EPHA10: variants seen among roughly 807,000 people sequenced by gnomAD.
The protein encoded by EPHA10 is EPH receptor A10.
EPHA10 carries 120 observed loss-of-function variants against 109.7 expected under a neutral mutation model. That is an observed-to-expected ratio of 1.09 (90% CI 0.94 to 1.27). The LOEUF is 1.27. Among genes scored for constraint, EPHA10 ranks in the 50% most tolerant of loss-of-function variants. EPHA10 has a pLI of 0.00. For synonymous variants in EPHA10, 640 were observed against 618.9 expected (o/e 1.03, Z -0.51); for missense variants, 1,396 against 1,411.1 (o/e 0.99, Z 0.17).
intron 3 of EPHA10, among the ~76,000 whole-genome samples, chr1:37,757,439 A>G (rs1418582891): frequency 6.6e-6 from 1 of 152,154 alleles, no homozygotes; most frequent in Admixed American, 6.5e-5. Flanking sequence ...TAACCATGGT[A>G]CACTGAGCTC....
At chr1:37,720,297 G>A in intron 13 of EPHA10, 54 bp downstream of exon 13, 1 of 1,536,302 alleles carries the variant, frequency 6.5e-7, no homozygotes, top group Non-Finnish European at 8.8e-7. Flanking sequence ...GGGCTCCAGG[G>A]CAGCTTGGTG....
chr1:37,724,013 G>C (rs1259046485), intron 8 of EPHA10, among the ~76,000 whole-genome samples: 2 of 152,258 alleles, frequency 1.3e-5, no homozygotes, highest in African/African-American at 2.4e-5. Flanking sequence ...GAGCAGAGGA[G>C]AGCCCCTGTG....
chr1:37,735,230 C>T, intron 6 of EPHA10, 27 bp downstream of exon 6: 8 of 1,561,002 alleles, frequency 5.1e-6, no homozygotes, highest in African/African-American at 4.1e-5. Flanking sequence ...GGGGCAGGCT[C>T]CAGGTCCCTC....
At chr1:37,759,226 T>C (rs1451558510) in intron 3 of EPHA10, among the ~76,000 whole-genome samples, 4 of 152,132 alleles carry the variant, frequency 2.6e-5, no homozygotes, top group Non-Finnish European at 4.4e-5. Flanking sequence ...AAGTCTAAGC[T>C]CTTTATCCCA....
At chr1:37,743,470 C>T (rs1280231257) in intron 5 of EPHA10, among the ~76,000 whole-genome samples, 1 of 152,144 alleles carries the variant, frequency 6.6e-6, no homozygotes, top group Non-Finnish European at 1.5e-5. Flanking sequence ...AAATTCATTA[C>T]AAATACAAGG....
intron 5 of EPHA10, among the ~76,000 whole-genome samples, chr1:37,751,440 G>A (rs1202371620): frequency 2.6e-5 from 4 of 151,046 alleles, no homozygotes; most frequent in Non-Finnish European, 2.9e-5. Context: ...GTGGTGGTGC[G>A]CACCTGTAAT....
intron 5 of EPHA10, among the ~76,000 whole-genome samples, chr1:37,738,775 G>A: frequency 6.6e-6 from 1 of 152,124 alleles, no homozygotes; most frequent in East Asian, 1.9e-4. Context: ...GTGGATAAAT[G>A]GATAAAGAAA....
At chr1:37,735,128 T>G (rs1646047563) in intron 6 of EPHA10, 129 bp downstream of exon 6, 1 of 1,256,044 alleles carries the variant, frequency 8.0e-7, no homozygotes, top group African/African-American at 1.5e-5. Context: ...CTGGGGCCCC[T>G]AGGAGACGGG....
At chr1:37,722,619 A>G (rs1159338727) in intron 10 of EPHA10, among the ~76,000 whole-genome samples, 2 of 152,176 alleles carry the variant, frequency 1.3e-5, no homozygotes, top group African/African-American at 4.8e-5. Flanking sequence ...TATCATGCCC[A>G]TTTCTCAGAT....
At chr1:37,722,748 C>A in intron 10 of EPHA10, 2 of 528,706 alleles carry the variant, frequency 3.8e-6, no homozygotes, top group Non-Finnish European at 7.2e-6. Context: ...GGCCCCTCCC[C>A]ACTGCCCCAT....
At chr1:37,721,986 C>T (rs1252956439) in intron 10 of EPHA10, 141 bp from the exon 11 acceptor site, 18 of 813,774 alleles carry the variant, frequency 2.2e-5, no homozygotes, top group Non-Finnish European at 2.7e-5. Context: ...CAAAAATTAA[C>T]CAGACAAGGT....
Position 37,723,138 on chromosome 1 carries a change from C to T in EPHA10, c.1863G>A (p.Leu621=). 1 of 1,614,034 alleles carries T rather than the reference C, an allele frequency of 6.2e-7. No individual in the cohort carries two copies. Among genetic ancestry groups the T allele is most frequent in the Non-Finnish European group, 8.5e-7 (1 of 1,179,930 alleles). ...GCAGGTCCCCACAGCTCTGGGGGTC[C>T]AGGAATGTGCGACGTGTTGGGACTT... ...HFKVPTRRTF[L]DPQSCGDLLQ... is the part of the protein sequence containing the mutation. The change falls in exon 10 of 17, where the codon CTG becomes CTA. Residue 621 remains leucine (L), a synonymous_variant. Transcript: ENST00000373048.
chr1:37,764,338 G>A lies in EPHA10; in HGVS notation c.106+623C>T, dbSNP rs1259759265. On this transcript the variant is annotated intron_variant, in intron 1 of 16. Transcript: ENST00000373048. This position sits in a 1 kb window ranked among gnomAD's most constrained non-coding sequence, Gnocchi z 5.8. Reference sequence around the variant, plus strand: ...TCTGCACCTAGATATGACGCCTCTGGATTCAACTGAGCGTATAGCTCCCCT... The same window carrying A: ...TCTGCACCTAGATATGACGCCTCTGAATTCAACTGAGCGTATAGCTCCCCT... 1.3e-5 allele frequency among the ~76,000 whole-genome samples: 2 copies of A among 152,174 alleles called. No individual in the cohort carries two copies. Among genetic ancestry groups the A allele is most frequent in the Non-Finnish European group, 2.9e-5 (2 of 68,036 alleles).
chr1:37,745,017 C>T (rs75076313), intron 5 of EPHA10, among the ~76,000 whole-genome samples: 2 of 152,232 alleles, frequency 1.3e-5, no homozygotes, highest in African/African-American at 2.4e-5. Context: ...TAGAGTGATG[C>T]GTCTGCGAGC....
intron 8 of EPHA10, among the ~76,000 whole-genome samples, chr1:37,724,748 C>G (rs560157361): frequency 6.6e-6 from 1 of 152,134 alleles, no homozygotes; most frequent in Non-Finnish European, 1.5e-5. Context: ...CAGGGGGAAG[C>G]GGCCACCGCA....
At chr1:37,745,277 A>G (rs1646213067) in intron 5 of EPHA10, among the ~76,000 whole-genome samples, 1 of 152,224 alleles carries the variant, frequency 6.6e-6, no homozygotes, top group Admixed American at 6.5e-5. Context: ...TGCACAGGAA[A>G]AGATGTTCAA....
At chr1:37,733,870 T>C (rs7549842) in intron 6 of EPHA10, among the ~76,000 whole-genome samples, 26,983 of 152,000 alleles carry the variant, frequency 0.18, 2,498 homozygotes, top group South Asian at 0.23. Context: ...CCTGCAAGTC[T>C]ACCTGGGTGT....
chr1:37,761,752 T>G lies in EPHA10; in HGVS notation c.503A>C (p.Glu168Ala). The change falls in exon 3 of 17, where the codon GAG becomes GCG. Residue 168 changes from glutamate (E) to alanine (A), a missense_variant. Glu to Ala is a moderately radical substitution (Grantham distance 107, BLOSUM62 -1). Coordinates refer to ENST00000373048, the MANE Select transcript of EPHA10 (RefSeq NM_001099439.2). The stretch of plus-strand genomic sequence containing the variant: ...CTCTGTGTTCAGCTTCATCTTGCGC[T>G]CACCCAGGTCGCCCTGCGTGAAGCT... The part of the protein sequence containing the change: ...DESFTQGDLG[E>A]RKMKLNTEVR... 2.5e-6 allele frequency: 4 copies of G among 1,613,796 alleles called. No individual in the cohort carries two copies. Among genetic ancestry groups the G allele is most frequent in the Non-Finnish European group, 3.4e-6 (4 of 1,179,838 alleles).
Position 37,761,484 on chromosome 1 carries a change from G to T in EPHA10, c.771C>A (p.Gly257=). 6.2e-7 allele frequency: 1 copy of T among 1,600,554 alleles called. No individual in the cohort carries two copies. Among genetic ancestry groups the T allele is most frequent in the Non-Finnish European group, 8.5e-7 (1 of 1,179,458 alleles). ...EPGSPPRMHC[G]ADGEWLVPVG... Reference sequence around the variant, plus strand: ...CAGGCACCAGCCACTCGCCGTCGGCGCCGCAGTGCATGCGTGGGGGGCTGC... The same window carrying T: ...CAGGCACCAGCCACTCGCCGTCGGCTCCGCAGTGCATGCGTGGGGGGCTGC... Residue 257 remains glycine, a synonymous_variant, in exon 3 of 17, where the codon GGC becomes GGA. Coordinates refer to ENST00000373048, the MANE Select transcript of EPHA10 (RefSeq NM_001099439.2).
Sources: gnomAD v4.1 joint callset for allele counts (sites outside exome capture counted in the v4.1 genomes callset) on GRCh38, gnomAD v4.1.1 for gene constraint, Gnocchi (gnomAD v3.1) non-coding constraint, MANE v1.5 for transcripts, NCBI Gene and HGNC (gene_info 2026-07-23, HGNC 2026-07-21) for gene names.